TTN: variants seen among roughly 807,000 people sequenced by gnomAD.
TTN encodes connectin.
In TTN, 1,525 loss-of-function variants were observed where a neutral mutation model predicts 3,223.0. The ratio of observed to expected loss-of-function variants is 0.47; its 90% CI spans 0.45 to 0.49. The LOEUF (loss-of-function observed/expected upper bound fraction) is 0.49, where lower values mean the gene tolerates loss of function less well. Ranked by LOEUF, TTN falls within the 20% of genes least tolerant of loss-of-function variation. The pLI, the probability that TTN is intolerant of heterozygous loss-of-function variation, is 0.00. For missense variants in TTN, 40,786 were observed against 43,424.0 expected (o/e 0.94, Z 5.40); for synonymous variants, 14,094 against 15,161.0 (o/e 0.93, Z 5.17).
In TTN at chr2:178,769,752, G is replaced by A. The variant is rs1346240590; in HGVS notation, c.8829C>T (p.Thr2943=). 9 of 1,613,894 alleles carry A rather than the reference G, an allele frequency of 5.6e-6. No individual in the cohort carries two copies. Among genetic ancestry groups the A allele is most frequent in the Non-Finnish European group, 7.6e-6 (9 of 1,179,970 alleles). ...GKLHQLIIMN[T]STEDSAEYTF... is the part of the protein sequence containing the mutation. Reference sequence around the variant, plus strand: ...TGTATTCTGCCGAGTCCTCTGTGCTGGTGTTCATGATGATCAGCTGATGGA... The same window carrying A: ...TGTATTCTGCCGAGTCCTCTGTGCTAGTGTTCATGATGATCAGCTGATGGA... The change falls in exon 37 of 363, where the codon ACC becomes ACT. Residue 2943 remains threonine, a synonymous_variant. Coordinates refer to ENST00000589042, the MANE Select transcript of TTN (RefSeq NM_001267550.2).
rs1267166779 is a variant in TTN, at chr2:178,779,909, C to G, written c.3729+91G>C. On this transcript the variant is annotated intron_variant, in intron 22 of 362. Transcript: ENST00000589042. The stretch of plus-strand genomic sequence containing the variant: ...GGACCTTCTAATAGCTGTCTAACCC[C>G]GAGCTCATCACTTGAAAATGAAAAT... 3.0e-6 allele frequency: 4 copies of G among 1,343,622 alleles called. No individual in the cohort carries two copies. The East Asian group carries it at 9.4e-5, about 31-fold the overall frequency. The allele number at this position is 1,343,622 out of a possible 1,614,324, so 83.2% of individuals were successfully genotyped here. A position where few individuals can be genotyped will look rare whatever the true frequency, so the allele number is the denominator to read the frequency against.
In TTN at chr2:178,775,476, C is replaced by T. The variant is rs762914675; in HGVS notation, c.6388G>A (p.Glu2130Lys). 1.9e-5 allele frequency: 31 copies of T among 1,613,852 alleles called. No individual in the cohort carries two copies. The highest frequency in any genetic ancestry group is 9.9e-5 in the South Asian group (9 of 91,082). The change falls in exon 28 of 363, where the codon GAA becomes AAA. Residue 2130 changes from glutamate (E) to lysine (K), a missense_variant. Transcript: ENST00000589042. ...ATGACCAATTCACAAACATTGTCTT[C>T]GGGCCAGTACCAGTAGATCCGGTCA... Reference protein sequence around the residue: ...RSDRIYWYWPEDNVCELVIRD... With the variant: ...RSDRIYWYWPKDNVCELVIRD...
Position 178,569,281 on chromosome 2 carries a change from TGA to T in TTN, c.76849_76850del (p.Val25618IlefsTer21). ...NLKVTEITKD[S>X]VSITWEPPLL... ...AAGGAGGTTCCCATGTAATTGATAC[TGA>T]GTCTTTGGTGATTTCTGTGACTTTC... On this transcript the variant is annotated frameshift_variant, in exon 326 of 363. Transcript: ENST00000589042. LOFTEE classifies it high-confidence loss of function. 1 of 1,609,498 alleles carries T rather than the reference TGA, an allele frequency of 6.2e-7. No individual in the cohort carries two copies. The highest frequency in any genetic ancestry group is 1.7e-5 in the Admixed American group (1 of 59,632).
chr2:178,720,317 C>G, intron 80 of TTN, 53 bp from the exon 81 acceptor site: 3 of 1,592,912 alleles, frequency 1.9e-6, no homozygotes, highest in Non-Finnish European at 2.6e-6. Context: ...CATGGCCACA[C>G]AAGTTATTAG....
At position 178,732,108 on chromosome 2, in the gene TTN, C is replaced by A; in HGVS notation, c.16861G>T (p.Glu5621Ter). The change falls in exon 57 of 363, where the codon GAG becomes TAG. Residue 5621 changes from glutamate (E) to a stop codon, truncating the protein, a stop_gained. Transcript: ENST00000589042. LOFTEE classifies it high-confidence loss of function. ...CTACTGCAGTGGTCACTGCCAGCCT[C>A]ATTTTGGGCCTCACACATATATTCA... ...SGEYMCEAQN[E>*]AGSDHCSSIV... 1 of 1,613,018 alleles carries A rather than the reference C, an allele frequency of 6.2e-7. No homozygotes were observed. The highest frequency in any genetic ancestry group is 1.1e-5 in the South Asian group (1 of 90,972).
At chr2:178,642,120 T>G in intron 219 of TTN, 117 bp downstream of exon 219, 1 of 780,100 alleles carries the variant, frequency 1.3e-6, no homozygotes, top group Non-Finnish European at 1.9e-6. Flanking sequence ...TACAAACAAA[T>G]TTTGATAAAT....
chr2:178,540,500 A>C (rs1693879480), intron 350 of TTN, 130 bp from the exon 351 acceptor site: 2 of 817,216 alleles, frequency 2.4e-6, no homozygotes, highest in Non-Finnish European at 3.7e-6. Flanking sequence ...TCTTGTGAAA[A>C]TTTTATTCAT....
Position 178,546,018 on chromosome 2 carries a change from T to C in TTN, c.95218A>G (p.Ile31740Val). ...CGTCTTTCCACGATGTAGTGAGTGA[T>C]TTCTGCTCCTCCGTCTTCCTGCGGA... ...SLPQEDGGAE[I>V]THYIVERRET... is the part of the protein sequence containing the mutation. Residue 31740 changes from isoleucine (I) to valine (V), a missense_variant, in exon 343 of 363, where the codon ATC (isoleucine) becomes GTC (valine). Physicochemically the swap from Ile to Val is conservative, Grantham distance 29. Transcript: ENST00000589042. 1 of 1,613,814 alleles carries C rather than the reference T, an allele frequency of 6.2e-7. No homozygotes were observed. The highest frequency in any genetic ancestry group is 8.5e-7 in the Non-Finnish European group (1 of 1,179,780).
At position 178,563,199 on chromosome 2, in the gene TTN, G is replaced by A. The variant is rs751318609; in HGVS notation, c.82933C>T (p.Arg27645Cys). Residue 27645 changes from arginine (R) to cysteine (C), a missense_variant, in exon 326 of 363, where the codon CGT (arginine) becomes TGT (cysteine). By Grantham distance (180) the Arg-to-Cys change is radical (BLOSUM62 -3). Coordinates refer to ENST00000589042, the MANE Select transcript of TTN (RefSeq NM_001267550.2). This position sits in a 1 kb window ranked among gnomAD's most constrained non-coding sequence, Gnocchi z 4.5. The part of the protein sequence containing the change: ...KLKENTEYNF[R>C]ICAINSEGVG... ...CCTTCAGAATTGATGGCACAAATAC[G>A]GAAGTTATATTCAGTGTTTTCTTTA... 1.4e-5 allele frequency: 22 copies of A among 1,613,596 alleles called. No homozygotes were observed. The Middle Eastern group carries it at 6.6e-4, about 48-fold the overall frequency.
chr2:178,584,867 T>A lies in TTN; in HGVS notation c.64774A>T (p.Ile21592Phe), dbSNP rs727503581. The A allele has an allele frequency of 6.2e-7, 1 of 1,613,396 alleles. No homozygotes were observed. Among genetic ancestry groups the A allele is most frequent in the Non-Finnish European group, 8.5e-7 (1 of 1,179,558 alleles). ...CACTTCTCCACTATATAATTGGTGA[T>A]GTTACTGCCTCCGTCCTCCAGAGGG... Reference protein sequence around the residue: ...HIPLEDGGSNITNYIVEKCDV... With the variant: ...HIPLEDGGSNFTNYIVEKCDV... Residue 21592 changes from isoleucine (I) to phenylalanine (F), a missense_variant, in exon 310 of 363, where the codon ATC becomes TTC. Physicochemically the swap from Ile to Phe is conservative, Grantham distance 21. Coordinates refer to ENST00000589042, the MANE Select transcript of TTN (RefSeq NM_001267550.2).
chr2:178,682,558 G>A (rs772356342), intron 135 of TTN, 139 bp downstream of exon 135: 54 of 774,378 alleles, frequency 7.0e-5, no homozygotes, highest in Middle Eastern at 7.4e-4. Context: ...AGAAAATTCC[G>A]CATTTGCGAA....
In TTN at chr2:178,730,678, C is replaced by G. The variant is rs2080292615; in HGVS notation, c.17855G>C (p.Trp5952Ser). 6.2e-7 allele frequency: 1 copy of G among 1,613,494 alleles called. No individual in the cohort carries two copies. The highest frequency in any genetic ancestry group is 1.3e-5 in the African/African-American group (1 of 74,880). ...TGATATTTCTTGGTCATCTTTGAAC[C>G]ACTGGATGCTTATGGGATGTGACCC... Reference protein sequence around the residue: ...VAGSHPISIQWFKDDQEISAS... With the variant: ...VAGSHPISIQSFKDDQEISAS... The change falls in exon 61 of 363, where the codon TGG (tryptophan) becomes TCG (serine). Residue 5952 changes from tryptophan to serine, a missense_variant. Trp to Ser is a radical substitution (Grantham distance 177). Coordinates refer to ENST00000589042, the MANE Select transcript of TTN (RefSeq NM_001267550.2).
chr2:178,734,009 A>G (rs1288427568), intron 52 of TTN, 117 bp from the exon 53 acceptor site: 3 of 1,006,418 alleles, frequency 3.0e-6, no homozygotes, highest in Non-Finnish European at 2.8e-6. Flanking sequence ...ACTATTTCAT[A>G]GTGTTAATTA....
At chr2:178,666,010 T>C (rs2065866806) in intron 163 of TTN, among the ~76,000 whole-genome samples, 1 of 152,116 alleles carries the variant, frequency 6.6e-6, no homozygotes, top group Admixed American at 6.6e-5. Flanking sequence ...CTTGGAATGG[T>C]AGATGCATAG....
rs754293456 is a variant in TTN at position 178,590,046 on chromosome 2, C to A, written c.61679G>T (p.Gly20560Val). 6.2e-7 allele frequency: 1 copy of A among 1,613,130 alleles called. No homozygotes were observed. ...SAKNSSGHAQ[G>V]SAIVNVLDRP... Reference sequence around the variant, plus strand: ...GTCAAGGACGTTAACGATGGCTGAACCTTGGGCATGTCCACTGCTGTTCTT... The same window carrying A: ...GTCAAGGACGTTAACGATGGCTGAAACTTGGGCATGTCCACTGCTGTTCTT... Residue 20560 changes from glycine to valine, a missense_variant, in exon 304 of 363, where the codon GGT (glycine) becomes GTT (valine). Physicochemically the swap from Gly to Val is moderately radical, Grantham distance 109. Transcript: ENST00000589042.
chr2:178,730,062 GC>G (rs2080146675), intron 62 of TTN, 30 bp downstream of exon 62: 2 of 1,018,662 alleles, frequency 2.0e-6, no homozygotes, highest in Admixed American at 2.1e-5. Flanking sequence ...ATCTAGACAA[GC>G]AAGAAAGTGA....
Position 178,563,468 on chromosome 2 carries a change from G to A in TTN, c.82664C>T (p.Pro27555Leu), listed in dbSNP as rs1704434305. ...AAENAAGVGE[P>L]SEPSVFYRAC... Reference sequence around the variant, plus strand: ...ACGGTAGAAAACAGATGGCTCACTAGGTTCTCCCACACCAGCTGCATTTTC... The same window carrying A: ...ACGGTAGAAAACAGATGGCTCACTAAGTTCTCCCACACCAGCTGCATTTTC... Residue 27555 changes from proline to leucine, a missense_variant, in exon 326 of 363, where the codon CCT becomes CTT. Physicochemically the swap from Pro to Leu is moderately conservative, Grantham distance 98 (BLOSUM62 -3). Transcript: ENST00000589042. The surrounding 1 kb of genome is among the most constrained non-coding windows in gnomAD (Gnocchi z 4.5). 6.2e-7 allele frequency: 1 copy of A among 1,613,624 alleles called. No homozygotes were observed. Among genetic ancestry groups the A allele is most frequent in the Non-Finnish European group, 8.5e-7 (1 of 1,179,730 alleles).
intron 218 of TTN, among the ~76,000 whole-genome samples, chr2:178,642,905 A>G (rs1276705455): frequency 6.6e-6 from 1 of 152,006 alleles, no homozygotes; most frequent in Admixed American, 6.6e-5. Context: ...TAAAATTTCA[A>G]AGCTGGTGTT....
Position 178,722,676 on chromosome 2 carries a change from G to A in TTN, c.22223C>T (p.Thr7408Ile). Reference protein sequence around the residue: ...ENSIGTASSKTVFRIQERQLP... With the variant: ...ENSIGTASSKIVFRIQERQLP... Reference sequence around the variant, plus strand: ...ATCATCACCTTGAATTCTGAACACAGTCTTAGAAGAAGCAGTTCCTATACT... The same window carrying A: ...ATCATCACCTTGAATTCTGAACACAATCTTAGAAGAAGCAGTTCCTATACT... Residue 7408 changes from threonine to isoleucine, a missense_variant, in exon 76 of 363, where the codon ACT becomes ATT. Transcript: ENST00000589042. 2 of 1,612,188 alleles carry A rather than the reference G, an allele frequency of 1.2e-6. No homozygotes were observed. Among genetic ancestry groups the A allele is most frequent in the East Asian group, 2.2e-5 (1 of 44,784 alleles).
Sources: allele counts gnomAD v4.1 joint callset (sites outside exome capture counted in the v4.1 genomes callset), GRCh38; gene constraint gnomAD v4.1.1; non-coding constraint Gnocchi (gnomAD v3.1); transcripts MANE v1.5; gene names NCBI Gene and HGNC (gene_info 2026-07-23, HGNC 2026-07-21).